The following MECOM variants were observed in gnomAD, a reference collection of about 807,000 sequenced individuals.
MECOM encodes the protein histone-lysine N-methyltransferase MECOM.
A neutral mutation model predicts 116.3 loss-of-function variants in MECOM; 13 were observed. The observed-to-expected ratio is 0.11, with a 90% CI of 0.07 to 0.18. The LOEUF (loss-of-function observed/expected upper bound fraction) is 0.18, where lower values mean the gene tolerates loss of function less well. Among genes scored for constraint, MECOM ranks in the 10% least tolerant of loss-of-function variants. The pLI is 1.00. For synonymous variants in MECOM, 528 were observed against 535.2 expected (o/e 0.99, Z 0.19); for missense variants, 1,299 against 1,509.0 (o/e 0.86, Z 2.31).
intron 1 of MECOM, among the ~76,000 whole-genome samples, chr3:169,469,161 A>T (rs960722432): frequency 6.6e-6 from 1 of 152,208 alleles, no homozygotes; most frequent in African/African-American, 2.4e-5. Flanking sequence ...AGCCTCAGTC[A>T]TGACTTTCCA....
chr3:169,573,338 A>G (rs1329708926), intron 1 of MECOM, among the ~76,000 whole-genome samples: 2 of 152,272 alleles, frequency 1.3e-5, no homozygotes, highest in Non-Finnish European at 2.9e-5. Flanking sequence ...ATGTACACAA[A>G]GCCCCCTTGT....
chr3:169,326,401 C>T (rs1393899071), intron 2 of MECOM, among the ~76,000 whole-genome samples: 1 of 152,102 alleles, frequency 6.6e-6, no homozygotes, highest in Non-Finnish European at 1.5e-5. Context: ...ATTGAAGTGA[C>T]AGATTAGACA....
chr3:169,562,696 G>A (rs1252703263), intron 1 of MECOM, among the ~76,000 whole-genome samples: 4 of 152,112 alleles, frequency 2.6e-5, no homozygotes, highest in Admixed American at 6.6e-5. Flanking sequence ...AGCCATGCTT[G>A]GAAGGACTAG....
intron 2 of MECOM, among the ~76,000 whole-genome samples, chr3:169,364,735 C>T (rs962842125): frequency 6.6e-6 from 1 of 151,994 alleles, no homozygotes; most frequent in Non-Finnish European, 1.5e-5. Context: ...CTTTATCGCT[C>T]CCAGGTTGGT....
At chr3:169,524,002 GAATA>G (rs1391986470) in intron 1 of MECOM, among the ~76,000 whole-genome samples, 5 of 137,792 alleles carry the variant, frequency 3.6e-5, no homozygotes, top group African/African-American at 1.1e-4. Context: ...ACCTGTATAT[GAATA>G]AATATATACA....
intron 2 of MECOM, among the ~76,000 whole-genome samples, chr3:169,371,035 T>C (rs145009928): frequency 1.3e-5 from 2 of 152,000 alleles, no homozygotes; most frequent in African/African-American, 4.8e-5. Context: ...GTAAATAAAA[T>C]CGCCATCTCA....
chr3:169,395,160 AT>A (rs1734834901), intron 1 of MECOM, among the ~76,000 whole-genome samples: 1 of 152,180 alleles, frequency 6.6e-6, no homozygotes, highest in Admixed American at 6.6e-5. Context: ...ATGAAAGATG[AT>A]TAAAGCACAC....
intron 2 of MECOM, among the ~76,000 whole-genome samples, chr3:169,252,200 C>T (rs1472167893): frequency 3.3e-5 from 5 of 152,052 alleles, no homozygotes; most frequent in South Asian, 2.1e-4. Flanking sequence ...CATGCAGCAA[C>T]TTTAATGTAA....
At position 169,506,959 on chromosome 3, in the gene MECOM, C is replaced by T. The variant is rs542416673; in HGVS notation, c.38-125435G>A. 5.3e-5 allele frequency among the ~76,000 whole-genome samples: 8 copies of T among 152,336 alleles called. No individual in the cohort carries two copies. In the East Asian group the frequency reaches 1.5e-3, roughly 29 times the overall value. On this transcript the variant is annotated intron_variant, in intron 1 of 16. Coordinates refer to ENST00000651503, the MANE Select transcript of MECOM (RefSeq NM_004991.4). ...TTTTTAAAATTCACATGTTCTTCCACTTAACTGAATCTCAGGCTATATTTC... is the reference window on the plus strand; with the variant it reads ...TTTTTAAAATTCACATGTTCTTCCATTTAACTGAATCTCAGGCTATATTTC...
intron 1 of MECOM, among the ~76,000 whole-genome samples, chr3:169,401,381 T>C (rs920793033): frequency 4.6e-5 from 7 of 152,050 alleles, no homozygotes; most frequent in Admixed American, 2.6e-4. Flanking sequence ...CCAAGAGTTC[T>C]GACCATTAAT....
intron 2 of MECOM, among the ~76,000 whole-genome samples, chr3:169,349,085 T>G (rs1350063549): frequency 1.4e-5 from 1 of 70,704 alleles, no homozygotes. Context: ...CTTTCCCCCC[T>G]CCCCCAGTGT....
chr3:169,169,084 C>G (rs1441747783), intron 2 of MECOM, among the ~76,000 whole-genome samples: 1 of 151,976 alleles, frequency 6.6e-6, no homozygotes, highest in African/African-American at 2.4e-5. Flanking sequence ...GTAATGTTTC[C>G]TCTTCATCTA....
At chr3:169,104,194 G>T (rs772121401) in intron 10 of MECOM, among the ~76,000 whole-genome samples, 1 of 152,172 alleles carries the variant, frequency 6.6e-6, no homozygotes, top group East Asian at 1.9e-4. Context: ...TGATCACAGG[G>T]CAGAGATATG....
chr3:169,494,613 C>G (rs979291129), intron 1 of MECOM, among the ~76,000 whole-genome samples: 1 of 152,210 alleles, frequency 6.6e-6, no homozygotes, highest in Non-Finnish European at 1.5e-5. Context: ...TTATTATACA[C>G]CACTAAGATC....
intron 1 of MECOM, among the ~76,000 whole-genome samples, chr3:169,399,693 G>A (rs1735568161): frequency 1.3e-5 from 2 of 152,178 alleles, no homozygotes; most frequent in Admixed American, 6.5e-5. Flanking sequence ...TGAGCCTAGA[G>A]TTTGAAAATT....
intron 1 of MECOM, among the ~76,000 whole-genome samples, chr3:169,519,543 G>A (rs771391579): frequency 3.9e-5 from 6 of 152,220 alleles, no homozygotes; most frequent in Non-Finnish European, 7.3e-5. Flanking sequence ...TTGTGATACT[G>A]TGGTTTGTAC....
At chr3:169,364,741 T>C (rs1232163081) in intron 2 of MECOM, among the ~76,000 whole-genome samples, 2 of 152,016 alleles carry the variant, frequency 1.3e-5, no homozygotes, top group African/African-American at 4.8e-5. Context: ...CGCTCCCAGG[T>C]TGGTGACATC....
chr3:169,472,253 A>G (rs1303688358), intron 1 of MECOM, among the ~76,000 whole-genome samples: 1 of 151,216 alleles, frequency 6.6e-6, no homozygotes, highest in Non-Finnish European at 1.5e-5. Context: ...TAGTTCACCC[A>G]ATGGTGCCTA....
Position 169,257,570 on chromosome 3 carries a change from A to C in MECOM, c.376-113738T>G, listed in dbSNP as rs143828937. ...TTTATTCAAGGTCTTATTGAAGAAA[A>C]TCCCCAAATTCTGTGAAATTTTTGC... is the stretch of plus-strand genomic sequence containing the variant. On this transcript the variant is annotated intron_variant, in intron 2 of 16. Transcript: ENST00000651503. Among the ~76,000 whole-genome samples, 10 of 152,286 alleles carry C rather than the reference A, an allele frequency of 6.6e-5. No individual in the cohort carries two copies. The East Asian group carries it at 1.9e-3, about 29-fold the overall frequency.
Sources: allele counts gnomAD v4.1 joint callset (sites outside exome capture counted in the v4.1 genomes callset), GRCh38; gene constraint gnomAD v4.1.1; transcripts MANE v1.5; gene names NCBI Gene and HGNC (gene_info 2026-07-23, HGNC 2026-07-21).